Variants in B3GLCT observed in about 807,000 individuals in gnomAD.
B3GLCT encodes the protein beta-1,3-glucosyltransferase.
Under a neutral mutation model 63.4 loss-of-function variants are expected in B3GLCT, and 65 were observed. That is an observed-to-expected ratio of 1.03 (90% CI 0.84 to 1.26). B3GLCT has a LOEUF of 1.26. Among genes scored for constraint, B3GLCT ranks in the 50% most tolerant of loss-of-function variants. B3GLCT has a pLI of 0.00. For synonymous variants in B3GLCT, 233 were observed against 219.2 expected, an observed-to-expected ratio of 1.06 and a Z score of -0.55; for missense variants, 577 against 604.8, an observed-to-expected ratio of 0.95 and a Z score of 0.48.
At chr13:31,272,280 A>G (rs551259409) in intron 8 of B3GLCT, among the ~76,000 whole-genome samples, 2 of 144,310 alleles carry the variant, frequency 1.4e-5, no homozygotes, top group Non-Finnish European at 3.0e-5. Flanking sequence ...CAGTGGCGCC[A>G]TCTTGGCTTA....
chr13:31,295,328 C>CAGAGCTCCAGTGCTGTGCTGGG (rs1287843865), intron 12 of B3GLCT, among the ~76,000 whole-genome samples: 1 of 152,202 alleles, frequency 6.6e-6, no homozygotes, highest in Non-Finnish European at 1.5e-5. Flanking sequence ...TGTCCCTTAG[C>CAGAGCTCCAGTGCTGTGCTGGG]AGAGCTCCAG....
chr13:31,218,684 T>C (rs1436011520), intron 2 of B3GLCT, among the ~76,000 whole-genome samples: 1 of 152,194 alleles, frequency 6.6e-6, no homozygotes, highest in Non-Finnish European at 1.5e-5. Context: ...TGGATGCCTT[T>C]ATTTCTTTAT....
intron 10 of B3GLCT, among the ~76,000 whole-genome samples, chr13:31,282,061 G>T (rs1873094587): frequency 6.6e-6 from 1 of 152,118 alleles, no homozygotes. Flanking sequence ...CTTGAAAGAG[G>T]CATTCACTAT....
intron 6 of B3GLCT, among the ~76,000 whole-genome samples, chr13:31,256,258 C>T (rs998188143): frequency 6.6e-6 from 1 of 152,006 alleles, no homozygotes; most frequent in Non-Finnish European, 1.5e-5. Flanking sequence ...GTTAGAATGG[C>T]GATCATTAAA....
chr13:31,301,219 A>T (rs1355567036), intron 12 of B3GLCT, among the ~76,000 whole-genome samples: 1 of 152,212 alleles, frequency 6.6e-6, no homozygotes, highest in Non-Finnish European at 1.5e-5. Flanking sequence ...CCTAGTAGTC[A>T]TTGCTGGGAG....
intron 8 of B3GLCT, among the ~76,000 whole-genome samples, chr13:31,274,222 ATGT>A (rs2137856699): frequency 6.6e-6 from 1 of 152,308 alleles, no homozygotes; most frequent in East Asian, 1.9e-4. Context: ...TCTCTCTGTG[ATGT>A]TGTAGAATGT....
At chr13:31,277,694 T>C (rs943191408) in intron 10 of B3GLCT, among the ~76,000 whole-genome samples, 1 of 152,108 alleles carries the variant, frequency 6.6e-6, no homozygotes, top group Non-Finnish European at 1.5e-5. Context: ...GGAAGATGTT[T>C]TCCAAATAAA....
chr13:31,297,852 T>C (rs1004915526), intron 12 of B3GLCT, among the ~76,000 whole-genome samples: 1 of 152,168 alleles, frequency 6.6e-6, no homozygotes, highest in Non-Finnish European at 1.5e-5. Flanking sequence ...ACCAGTTTAT[T>C]ATAAAGGATA....
At chr13:31,202,993 A>G (rs546297282) in intron 1 of B3GLCT, among the ~76,000 whole-genome samples, 30 of 152,326 alleles carry the variant, frequency 2.0e-4, no homozygotes, top group African/African-American at 5.8e-4. Flanking sequence ...CCTAATCCTA[A>G]TTGATAGAAG....
chr13:31,252,586 G>C (rs1871484146), intron 6 of B3GLCT, among the ~76,000 whole-genome samples: 1 of 152,104 alleles, frequency 6.6e-6, no homozygotes, highest in Admixed American at 6.5e-5. Flanking sequence ...TGATAAAACA[G>C]ACTTTAAACC....
intron 12 of B3GLCT, among the ~76,000 whole-genome samples, chr13:31,299,084 A>C (rs1005076745): frequency 6.6e-6 from 1 of 152,220 alleles, no homozygotes; most frequent in African/African-American, 2.4e-5. Context: ...CAAGATTTGC[A>C]TAGTCACCCG....
At chr13:31,290,076 TCTC>T (rs1247002779) in intron 12 of B3GLCT, among the ~76,000 whole-genome samples, 4 of 152,294 alleles carry the variant, frequency 2.6e-5, no homozygotes, top group Admixed American at 2.6e-4. Flanking sequence ...GTCCAGGTGT[TCTC>T]CTTGTTCAAC....
Position 31,274,586 on chromosome 13 carries a change from C to G in B3GLCT, c.738C>G (p.Asp246Glu), listed in dbSNP as rs773673455. ...PVPEFCTNDV[D>E]FYCATTFHSF... ...CTGAGTTTTGTACCAATGACGTGGA[C>G]TTCTACTGTGCTACCACATTCCATT... The change falls in exon 9 of 15, where the codon GAC becomes GAG. Residue 246 changes from aspartate (D) to glutamate (E), a missense_variant. Transcript: ENST00000343307. The G allele has an allele frequency of 6.2e-7, 1 of 1,614,206 alleles. No homozygotes were observed. Among genetic ancestry groups the G allele is most frequent in the South Asian group, 1.1e-5 (1 of 91,084 alleles).
intron 4 of B3GLCT, among the ~76,000 whole-genome samples, chr13:31,245,416 G>A (rs1187072630): frequency 2.6e-5 from 4 of 152,016 alleles, no homozygotes; most frequent in South Asian, 2.1e-4. Flanking sequence ...TTTAATTGAA[G>A]GATTTTTAAA....
intron 7 of B3GLCT, among the ~76,000 whole-genome samples, chr13:31,262,138 GA>G (rs1872063672): frequency 6.6e-6 from 1 of 152,162 alleles, no homozygotes; most frequent in African/African-American, 2.4e-5. Context: ...GCGGCTTCCT[GA>G]TGATGGCAGA....
At chr13:31,273,141 C>G (rs1033302194) in intron 8 of B3GLCT, among the ~76,000 whole-genome samples, 1 of 152,180 alleles carries the variant, frequency 6.6e-6, no homozygotes, top group Non-Finnish European at 1.5e-5. Context: ...GTCACCCAGG[C>G]TGGAATGCAG....
chr13:31,203,058 T>G (rs1868764737), intron 1 of B3GLCT, among the ~76,000 whole-genome samples: 1 of 152,224 alleles, frequency 6.6e-6, no homozygotes. Flanking sequence ...CTTTTATTTT[T>G]CACATGCCTG....
chr13:31,330,931 T>C lies in B3GLCT; in HGVS notation c.*1263T>C, dbSNP rs1875890904. ...AAAGCCATACCACCAAAAGTACCTG[T>C]GTGTGTTAATATGTTTTTCTTGTAG... On this transcript the variant is annotated 3_prime_UTR_variant, in exon 15 of 15. Coordinates refer to ENST00000343307, the MANE Select transcript of B3GLCT (RefSeq NM_194318.4). The C allele has an allele frequency of 2.0e-5, 3 of 152,182 alleles. No homozygotes were observed. In the South Asian group the frequency reaches 6.2e-4, roughly 32 times the overall value. 9.4% of individuals were successfully genotyped at this position (152,182 alleles called of 1,614,324 possible). A position where few individuals can be genotyped will look rare whatever the true frequency, so the allele number is the denominator to read the frequency against.
chr13:31,314,041 G>A (rs922073091), intron 12 of B3GLCT, among the ~76,000 whole-genome samples: 12 of 152,318 alleles, frequency 7.9e-5, no homozygotes, highest in African/African-American at 9.6e-5. Context: ...TTGAGCCTGC[G>A]GGTACACAGA....
Sources: gnomAD v4.1 joint callset for allele counts (sites outside exome capture counted in the v4.1 genomes callset) on GRCh38, gnomAD v4.1.1 for gene constraint, MANE v1.5 for transcripts, NCBI Gene and HGNC (gene_info 2026-07-23, HGNC 2026-07-21) for gene names.